ANK3: variants seen among roughly 807,000 people sequenced by gnomAD.
ANK3 encodes the protein ankyrin-3.
ANK3 carries 57 observed loss-of-function variants against 370.9 expected under a neutral mutation model. The observed-to-expected ratio is 0.15, with a 90% CI of 0.12 to 0.19. The LOEUF is 0.19. Ranked by LOEUF, ANK3 falls within the 10% of genes least tolerant of loss-of-function variation. The probability of loss-of-function intolerance (pLI) is 1.00; values close to 1 mark genes in which losing one functional copy is unlikely to be tolerated. For synonymous variants in ANK3, 1,929 were observed against 1,946.3 expected, an observed-to-expected ratio of 0.99 and a Z score of 0.23; for missense variants, 4,439 against 5,302.1, an observed-to-expected ratio of 0.84 and a Z score of 5.06.
At chr10:60,494,806 G>A (rs1319899610) in intron 2 of ANK3, among the ~76,000 whole-genome samples, 1 of 152,150 alleles carries the variant, frequency 6.6e-6, no homozygotes, top group Non-Finnish European at 1.5e-5. Flanking sequence ...TTAGTATTAT[G>A]AATGACATAG....
chr10:60,342,777 C>T (rs2054556689), intron 1 of ANK3, among the ~76,000 whole-genome samples: 1 of 152,042 alleles, frequency 6.6e-6, no homozygotes, highest in Non-Finnish European at 1.5e-5. Context: ...TATGGCAGTG[C>T]TTTCCAAAAT....
intron 43 of ANK3, among the ~76,000 whole-genome samples, chr10:60,034,106 G>GTTTT (rs61678524): frequency 1.2e-4 from 14 of 115,890 alleles, no homozygotes; most frequent in Non-Finnish European, 1.6e-4. Context: ...TTGTTTTTTG[G>GTTTT]TTTTTTTTTT....
chr10:60,213,558 A>G (rs1033831146), intron 8 of ANK3, 48 bp from the exon 9 acceptor site: 3 of 1,325,130 alleles, frequency 2.3e-6, no homozygotes, highest in South Asian at 1.3e-5. Context: ...AATAAATTCT[A>G]TGAGTGCAGT....
chr10:60,697,044 C>T (rs1241854065), intron 1 of ANK3, among the ~76,000 whole-genome samples: 1 of 148,746 alleles, frequency 6.7e-6, no homozygotes, highest in African/African-American at 2.5e-5. Context: ...TGATAAGCAA[C>T]TTCAGCAAAG....
At chr10:60,141,655 A>C (rs2094576078) in intron 23 of ANK3, among the ~76,000 whole-genome samples, 1 of 140,584 alleles carries the variant, frequency 7.1e-6, no homozygotes, top group African/African-American at 2.7e-5. Flanking sequence ...AGGGTTTAGA[A>C]ACTGTCTTGC....
At chr10:60,300,137 G>A (rs956186680) in intron 1 of ANK3, among the ~76,000 whole-genome samples, 2 of 152,060 alleles carry the variant, frequency 1.3e-5, no homozygotes, top group Non-Finnish European at 2.9e-5. Context: ...AGTCCGGATC[G>A]GAACAAAACA....
chr10:60,693,866 T>C (rs1440893168), intron 1 of ANK3, among the ~76,000 whole-genome samples: 1 of 152,158 alleles, frequency 6.6e-6, no homozygotes, highest in Non-Finnish European at 1.5e-5. Flanking sequence ...AGGAATGCAG[T>C]TCCTCACCAG....
At chr10:60,400,902 A>T (rs2063340539) in intron 2 of ANK3, among the ~76,000 whole-genome samples, 1 of 152,000 alleles carries the variant, frequency 6.6e-6, no homozygotes, top group South Asian at 2.1e-4. Context: ...GTGTGAAGTG[A>T]CTCTGCAGGC....
intron 28 of ANK3, among the ~76,000 whole-genome samples, chr10:60,104,286 A>G (rs2091806009): frequency 7.3e-6 from 1 of 136,742 alleles, no homozygotes; most frequent in Admixed American, 8.2e-5. Context: ...TGAACCCAGG[A>G]GGCGGACGTT....
In ANK3 at chr10:60,027,527, T is replaced by C. The variant is rs1404209862; in HGVS notation, c.*2319A>G. On this transcript the variant is annotated 3_prime_UTR_variant, in exon 44 of 44. Transcript: ENST00000280772. ...AACAATCTTTAATGGACAGGCAATA[T>C]ATAACATTGCTGAAAGTCTCTTAGC... is the stretch of plus-strand genomic sequence containing the variant. The C allele has an allele frequency of 6.6e-6, 1 of 152,166 alleles. No homozygotes were observed. The highest frequency in any genetic ancestry group is 1.9e-4 in the East Asian group (1 of 5,192). The allele number at this position is 152,166 out of a possible 1,614,324, so 9.4% of individuals were successfully genotyped here.
rs545872200 is a variant in ANK3 at position 60,700,078 on chromosome 10, T to C, written c.57+33185A>G. Among the ~76,000 whole-genome samples, 7 of 152,248 alleles carry C rather than the reference T, an allele frequency of 4.6e-5. No individual in the cohort carries two copies. In the East Asian group the frequency reaches 1.4e-3, roughly 29 times the overall value. Reference sequence around the variant, plus strand: ...CACCTCTCTTTCCCATACCCACTCCTCTCCCAGTCAGCTTCTGGGGACTTT... The same window carrying C: ...CACCTCTCTTTCCCATACCCACTCCCCTCCCAGTCAGCTTCTGGGGACTTT... On this transcript the variant is annotated intron_variant, in intron 1 of 43. Transcript: ENST00000373827.
In ANK3 at chr10:60,611,718, G is replaced by A. The variant is rs144616159; in HGVS notation, c.96+3468C>T. Reference sequence around the variant, plus strand: ...CTTCATCCTTTCTATTAAGTAAATCGAATGCCCTGACAGCACACCTATCTA... The same window carrying A: ...CTTCATCCTTTCTATTAAGTAAATCAAATGCCCTGACAGCACACCTATCTA... On this transcript the variant is annotated intron_variant, in intron 2 of 43. Transcript: ENST00000373827. Among the ~76,000 whole-genome samples, 28 of 151,252 alleles carry A rather than the reference G, an allele frequency of 1.9e-4. No individual in the cohort carries two copies. The East Asian group carries it at 5.1e-3, about 27-fold the overall frequency.
At chr10:60,414,585 G>A (rs1244892255) in intron 2 of ANK3, among the ~76,000 whole-genome samples, 2 of 152,122 alleles carry the variant, frequency 1.3e-5, no homozygotes, top group Non-Finnish European at 2.9e-5. Flanking sequence ...AGGAAGCCAT[G>A]GTGGAGGAAC....
intron 1 of ANK3, among the ~76,000 whole-genome samples, chr10:60,321,865 A>C (rs2048743557): frequency 2.0e-5 from 3 of 152,108 alleles, no homozygotes; most frequent in Admixed American, 1.3e-4. Context: ...TGGACATTTC[A>C]ATTTTTTTTC....
chr10:60,583,562 G>T (rs2077788191), intron 2 of ANK3, among the ~76,000 whole-genome samples: 1 of 144,356 alleles, frequency 6.9e-6, no homozygotes, highest in African/African-American at 2.6e-5. Flanking sequence ...TGTCACCCAG[G>T]CTGGAGTGCA....
intron 1 of ANK3, among the ~76,000 whole-genome samples, chr10:60,324,223 A>G (rs1013059176): frequency 6.6e-6 from 1 of 152,220 alleles, no homozygotes; most frequent in African/African-American, 2.4e-5. Flanking sequence ...GTACATGTCG[A>G]GAATATGTCC....
intron 7 of ANK3, among the ~76,000 whole-genome samples, chr10:60,235,089 T>C (rs2097308158): frequency 6.6e-6 from 1 of 152,238 alleles, no homozygotes; most frequent in African/African-American, 2.4e-5. Context: ...TAAGTCAATG[T>C]ATTTTTCTAT....
chr10:60,310,989 A>G (rs986900596), intron 1 of ANK3, among the ~76,000 whole-genome samples: 1 of 152,170 alleles, frequency 6.6e-6, no homozygotes, highest in Non-Finnish European at 1.5e-5. Context: ...AGCCACCTTT[A>G]ATCTCCCTCA....
chr10:60,654,476 T>C (rs975626547), intron 1 of ANK3, among the ~76,000 whole-genome samples: 1 of 152,212 alleles, frequency 6.6e-6, no homozygotes, highest in Admixed American at 6.5e-5. Flanking sequence ...CTATTCCTTA[T>C]CTGTTGTGAG....
Sources: gnomAD v4.1 joint callset for allele counts (sites outside exome capture counted in the v4.1 genomes callset) on GRCh38, gnomAD v4.1.1 for gene constraint, MANE v1.5 for transcripts, NCBI Gene and HGNC (gene_info 2026-07-23, HGNC 2026-07-21) for gene names.